Variants in UCMA observed in about 807,000 individuals in gnomAD.
UCMA encodes the protein upper zone of growth plate and cartilage matrix associated.
In UCMA, 21 loss-of-function variants were observed where a neutral mutation model predicts 21.8. The ratio of observed to expected loss-of-function variants is 0.97; its 90% CI spans 0.68 to 1.39. The LOEUF (loss-of-function observed/expected upper bound fraction) is 1.39. Ranked by LOEUF, UCMA falls within the 40% of genes most tolerant of loss-of-function variation. UCMA has a pLI of 0.00. For missense variants in UCMA, 193 were observed against 178.9 expected (o/e 1.08, Z -0.45); for synonymous variants, 76 against 67.9 (o/e 1.12, Z -0.58).
intron 4 of UCMA, among the ~76,000 whole-genome samples, chr10:13,225,673 CAAAAAA>C (rs397728212): frequency 5.6e-5 from 6 of 107,042 alleles, no homozygotes; most frequent in African/African-American, 1.1e-4. Context: ...GATTCCATCT[CAAAAAA>C]AAAAAAAAAA....
chr10:13,234,017 TTTATTA>T (rs1235017127), intron 1 of UCMA, among the ~76,000 whole-genome samples, 178 bp downstream of exon 1: 4 of 152,026 alleles, frequency 2.6e-5, no homozygotes, highest in East Asian at 1.9e-4. Context: ...TTTACTGTTT[TTTATTA>T]TTATTATTAT....
chr10:13,224,890 G>T (rs1431046433), intron 4 of UCMA, among the ~76,000 whole-genome samples: 1 of 152,122 alleles, frequency 6.6e-6, no homozygotes, highest in East Asian at 1.9e-4. Flanking sequence ...ATCCCATTAG[G>T]TACTTGATAG....
chr10:13,226,399 C>T (rs1236639886), intron 4 of UCMA, among the ~76,000 whole-genome samples: 1 of 152,032 alleles, frequency 6.6e-6, no homozygotes, highest in Non-Finnish European at 1.5e-5. Context: ...TCTCGAACTC[C>T]TGGGCTGAAG....
At chr10:13,225,122 C>G (rs902189435) in intron 4 of UCMA, among the ~76,000 whole-genome samples, 1 of 151,968 alleles carries the variant, frequency 6.6e-6, no homozygotes, top group African/African-American at 2.4e-5. Flanking sequence ...TGCAGTGGCA[C>G]AATCATAGCT....
chr10:13,228,502 T>C (rs1834853383), intron 4 of UCMA, among the ~76,000 whole-genome samples: 1 of 152,172 alleles, frequency 6.6e-6, no homozygotes, highest in Non-Finnish European at 1.5e-5. Context: ...GCTGTAGATG[T>C]TGATGCTGCA....
At chr10:13,226,571 C>G (rs190088929) in intron 4 of UCMA, among the ~76,000 whole-genome samples, 11 of 152,284 alleles carry the variant, frequency 7.2e-5, no homozygotes, top group African/African-American at 2.6e-4. Flanking sequence ...GCAATGCTCC[C>G]ACTTTGGCCT....
At chr10:13,233,444 T>C in intron 3 of UCMA, 94 bp downstream of exon 3, 1 of 1,029,514 alleles carries the variant, frequency 9.7e-7, no homozygotes, top group Non-Finnish European at 1.5e-6. Context: ...CCCAGCTGCA[T>C]CCTGCTGCCC....
chr10:13,231,528 G>C (rs1240094620), intron 3 of UCMA, among the ~76,000 whole-genome samples: 1 of 152,116 alleles, frequency 6.6e-6, no homozygotes, highest in Non-Finnish European at 1.5e-5. Context: ...GGGGGCTTAG[G>C]GTTTAGGAAG....
At position 13,234,205 on chromosome 10, in the gene UCMA, C is replaced by G; in HGVS notation, c.54G>C (p.Leu18=). ...LLSCFSAVVL[L]SMLREGTSVS... ...CCTTGACCCTCCTGTACTCACTAGA[C>G]AGGAGCACCACGGCGGAGAAGCAAG... Residue 18 remains leucine, a synonymous_variant, in exon 1 of 5, where the codon CTG becomes CTC. Transcript: ENST00000378681. 5 of 1,613,242 alleles carry G rather than the reference C, an allele frequency of 3.1e-6. No homozygotes were observed. In the South Asian group the frequency reaches 5.5e-5, roughly 18 times the overall value.
intron 4 of UCMA, among the ~76,000 whole-genome samples, chr10:13,227,743 T>TACACACACACACACACACACACACAC (rs55831241): frequency 1.8e-5 from 2 of 110,676 alleles, no homozygotes; most frequent in Admixed American, 1.1e-4. Context: ...GGAAAGGAAA[T>TACACACACACACACACACACACACAC]ACACACACAC....
intron 4 of UCMA, among the ~76,000 whole-genome samples, chr10:13,225,538 G>C (rs1834813238): frequency 6.6e-6 from 1 of 151,950 alleles, no homozygotes; most frequent in Non-Finnish European, 1.5e-5. Context: ...AGCAAGGCGT[G>C]GTGGTGGGTG....
chr10:13,222,007 C>T lies in UCMA; in HGVS notation c.*96G>A. On this transcript the variant is annotated 3_prime_UTR_variant, in exon 5 of 5. Transcript: ENST00000378681. ...GCCACTGCAGACCCCAAGCTGAGAC[C>T]CTCTGAAGGGCCGGTTTGCATGGGA... 1 of 1,325,220 alleles carries T rather than the reference C, an allele frequency of 7.5e-7. No individual in the cohort carries two copies. Among genetic ancestry groups the T allele is most frequent in the Non-Finnish European group, 1.1e-6 (1 of 930,772 alleles). 82.1% of individuals were successfully genotyped at this position (1,325,220 alleles called of 1,614,324 possible).
In UCMA at chr10:13,221,834, G is replaced by A. The variant is rs1465487787; in HGVS notation, c.*269C>T. On this transcript the variant is annotated 3_prime_UTR_variant, in exon 5 of 5. Coordinates refer to ENST00000378681, the MANE Select transcript of UCMA (RefSeq NM_145314.3). ...ATTCTTGACTGATTCTTTTGCTTGG[G>A]AACGAAGCCAGGGGAAGCCACTGTA... is the stretch of plus-strand genomic sequence containing the variant. The A allele has an allele frequency of 4.4e-6, 2 of 456,936 alleles. No individual in the cohort carries two copies. Among genetic ancestry groups the A allele is most frequent in the Non-Finnish European group, 3.9e-6 (1 of 255,844 alleles). 28.3% of individuals were successfully genotyped at this position (456,936 alleles called of 1,614,324 possible). A position where few individuals can be genotyped will look rare whatever the true frequency, so the allele number is the denominator to read the frequency against.
intron 4 of UCMA, among the ~76,000 whole-genome samples, chr10:13,228,791 G>A (rs1834858388): frequency 6.6e-6 from 1 of 152,058 alleles, no homozygotes; most frequent in Non-Finnish European, 1.5e-5. Context: ...TAGGAGGAGG[G>A]AGGGAAAGGA....
At chr10:13,228,492 G>A (rs1476243334) in intron 4 of UCMA, among the ~76,000 whole-genome samples, 1 of 152,180 alleles carries the variant, frequency 6.6e-6, no homozygotes, top group South Asian at 2.1e-4. Context: ...CTGAAGATAG[G>A]CTGTAGATGT....
intron 4 of UCMA, among the ~76,000 whole-genome samples, chr10:13,227,942 C>T (rs1257576898): frequency 6.6e-6 from 1 of 152,058 alleles, no homozygotes; most frequent in Non-Finnish European, 1.5e-5. Context: ...CACCATCCTC[C>T]ACTGAGCCCT....
chr10:13,223,570 G>A (rs994386445), intron 4 of UCMA, among the ~76,000 whole-genome samples: 2 of 151,992 alleles, frequency 1.3e-5, no homozygotes, highest in Non-Finnish European at 2.9e-5. Flanking sequence ...TTTTGTTTTT[G>A]TTGTTTTGAC....
At chr10:13,232,371 C>CAAA (rs34527224) in intron 3 of UCMA, among the ~76,000 whole-genome samples, 84 of 69,554 alleles carry the variant, frequency 1.2e-3, no homozygotes, top group Non-Finnish European at 1.9e-3. Context: ...GACTCCATCT[C>CAAA]AAAAAAAAAA....
chr10:13,234,270 T>G lies in UCMA; in HGVS notation c.-12A>C, dbSNP rs778557023. On this transcript the variant is annotated 5_prime_UTR_variant, in exon 1 of 5. Transcript: ENST00000378681. ...TGTCTCCAAGTCATCTTTGCAGAGG[T>G]AGGGGCTCCGTCCAGGACCCACAAG... 5 of 1,612,876 alleles carry G rather than the reference T, an allele frequency of 3.1e-6. No homozygotes were observed. The highest frequency in any genetic ancestry group is 4.2e-6 in the Non-Finnish European group (5 of 1,179,766).
Sources: allele counts gnomAD v4.1 joint callset (sites outside exome capture counted in the v4.1 genomes callset), GRCh38; gene constraint gnomAD v4.1.1; transcripts MANE v1.5; gene names NCBI Gene and HGNC (gene_info 2026-07-23, HGNC 2026-07-21).